FBXL17: variants seen among roughly 807,000 people sequenced by gnomAD.
FBXL17 encodes F-box and leucine rich repeat protein 17, also known as F-box/LRR-repeat protein 17.
A neutral mutation model predicts 66.2 loss-of-function variants in FBXL17; 22 were observed. The observed-to-expected ratio is 0.33, with a 90% CI of 0.24 to 0.47. FBXL17 has a LOEUF of 0.47. Ranked by LOEUF, FBXL17 falls within the 20% of genes least tolerant of loss-of-function variation. The pLI, the probability that FBXL17 is intolerant of heterozygous loss-of-function variation, is 1.00. For synonymous variants in FBXL17, 474 were observed against 400.5 expected (o/e 1.18, Z -2.19); for missense variants, 878 against 948.2 (o/e 0.93, Z 0.97).
intron 7 of FBXL17, among the ~76,000 whole-genome samples, chr5:107,896,225 G>T (rs1315924090): frequency 6.6e-6 from 1 of 152,056 alleles, no homozygotes; most frequent in Non-Finnish European, 1.5e-5. Context: ...GTTAAAGAGA[G>T]TCAATAACGT....
intron 7 of FBXL17, among the ~76,000 whole-genome samples, chr5:107,925,306 ACTTCT>A (rs1203690233): frequency 6.6e-6 from 1 of 152,166 alleles, no homozygotes; most frequent in Non-Finnish European, 1.5e-5. Flanking sequence ...GCACAGTTAT[ACTTCT>A]CTTACGATTC....
chr5:108,336,866 A>C (rs1486618574), intron 4 of FBXL17, among the ~76,000 whole-genome samples: 2 of 152,192 alleles, frequency 1.3e-5, no homozygotes, highest in African/African-American at 4.8e-5. Flanking sequence ...CCTAAAAGCT[A>C]TACTTTTATG....
At position 108,186,262 on chromosome 5, in the gene FBXL17, A is replaced by G; in HGVS notation, c.1615-15T>C. ...AGGTTTCTTAGCTAATGAGATAAAT[A>G]AAATGAAAGATGAAAAAGGTAAATG... On this transcript the variant is annotated splice_polypyrimidine_tract_variant and intron_variant, in intron 5 of 8. Coordinates refer to ENST00000542267, the MANE Select transcript of FBXL17 (RefSeq NM_001163315.3). 2 of 1,603,164 alleles carry G rather than the reference A, an allele frequency of 1.2e-6. No individual in the cohort carries two copies. Among genetic ancestry groups the G allele is most frequent in the South Asian group, 2.2e-5 (2 of 88,980 alleles).
chr5:108,158,446 TC>T (rs1359942234), intron 6 of FBXL17, among the ~76,000 whole-genome samples: 1 of 152,032 alleles, frequency 6.6e-6, no homozygotes, highest in Admixed American at 6.6e-5. Context: ...TTTAAAGATA[TC>T]AAATTTCCAC....
intron 7 of FBXL17, among the ~76,000 whole-genome samples, chr5:107,899,762 G>A (rs1399951070): frequency 6.6e-6 from 1 of 152,134 alleles, no homozygotes; most frequent in Non-Finnish European, 1.5e-5. Flanking sequence ...TTATCAACTG[G>A]AGAACTGTAT....
chr5:107,973,889 TTAGACAAAATCTTATTTAGTGATAAAGAG>T (rs553993901), intron 7 of FBXL17, among the ~76,000 whole-genome samples: 146 of 152,114 alleles, frequency 9.6e-4, no homozygotes, highest in African/African-American at 3.5e-3. Context: ...TAGGCTCTAG[TTAGACAAAATCTTATTTAGTGATAAAGAG>T]TAGCAACTTA....
chr5:108,112,079 A>T (rs1241595334), intron 6 of FBXL17, among the ~76,000 whole-genome samples: 1 of 152,150 alleles, frequency 6.6e-6, no homozygotes, highest in African/African-American at 2.4e-5. Context: ...GGCTTAGGAG[A>T]CAGAGTTTAG....
chr5:108,258,897 A>G lies in FBXL17; in HGVS notation c.1507-34669T>C, dbSNP rs551634738. On this transcript the variant is annotated intron_variant, in intron 4 of 8. Transcript: ENST00000542267. ...AATTAGATCTGAGAAACCAATAGAA[A>G]AACTAAACATAATAAACATAATAGA... 2.6e-5 allele frequency among the ~76,000 whole-genome samples: 4 copies of G among 152,278 alleles called. No individual in the cohort carries two copies. The South Asian group carries it at 8.3e-4, about 32-fold the overall frequency.
At chr5:107,954,599 G>T (rs1751600695) in intron 7 of FBXL17, among the ~76,000 whole-genome samples, 1 of 152,162 alleles carries the variant, frequency 6.6e-6, no homozygotes, top group Non-Finnish European at 1.5e-5. Flanking sequence ...CCAAAGTAGA[G>T]AATTCTTTTT....
intron 4 of FBXL17, among the ~76,000 whole-genome samples, chr5:108,333,412 A>G (rs1760228535): frequency 6.6e-6 from 1 of 152,114 alleles, no homozygotes; most frequent in African/African-American, 2.4e-5. Context: ...TTAAAATGCT[A>G]AAGTGCTAAG....
intron 7 of FBXL17, among the ~76,000 whole-genome samples, chr5:108,002,575 T>C (rs952045170): frequency 6.6e-6 from 1 of 152,014 alleles, no homozygotes; most frequent in Admixed American, 6.6e-5. Context: ...AAGACCTGAA[T>C]GAGAAAGGTC....
intron 4 of FBXL17, among the ~76,000 whole-genome samples, chr5:108,340,416 T>C (rs1746805281): frequency 6.6e-6 from 1 of 151,634 alleles, no homozygotes; most frequent in South Asian, 2.1e-4. Flanking sequence ...AAACTCGTTT[T>C]AAATTAAATT....
rs116651100 is a variant in FBXL17 at position 108,035,871 on chromosome 5, T to C, written c.1746-14870A>G. 4.4e-3 allele frequency among the ~76,000 whole-genome samples: 674 copies of C among 152,284 alleles called. 5 individuals are homozygous for C. The highest frequency in any genetic ancestry group is 0.016 in the African/African-American group (650 of 41,568). On this transcript the variant is annotated intron_variant, in intron 6 of 8. Transcript: ENST00000542267. ...CCAGATTAAAGGTGTGGAGAGGCCATGAAGACCTGGGAAAAAAATATGGTT... is the reference window on the plus strand; with the variant it reads ...CCAGATTAAAGGTGTGGAGAGGCCACGAAGACCTGGGAAAAAAATATGGTT...
intron 6 of FBXL17, among the ~76,000 whole-genome samples, chr5:108,180,348 T>C (rs1235439698): frequency 6.6e-6 from 1 of 151,878 alleles, no homozygotes; most frequent in Non-Finnish European, 1.5e-5. Flanking sequence ...CCGTCTCTAC[T>C]AAAAACACAA....
At chr5:108,042,753 C>G (rs1049366423) in intron 6 of FBXL17, among the ~76,000 whole-genome samples, 1 of 152,146 alleles carries the variant, frequency 6.6e-6, no homozygotes, top group African/African-American at 2.4e-5. Flanking sequence ...TTCCCGAAGA[C>G]AAATGACCAG....
chr5:108,153,707 G>A (rs1479111175), intron 6 of FBXL17, among the ~76,000 whole-genome samples: 2 of 151,978 alleles, frequency 1.3e-5, no homozygotes, highest in African/African-American at 4.8e-5. Flanking sequence ...GGGCCAGCTT[G>A]CCTTCTTGAA....
intron 1 of FBXL17, among the ~76,000 whole-genome samples, chr5:108,371,011 C>G (rs1467863760): frequency 6.6e-6 from 1 of 151,784 alleles, no homozygotes; most frequent in Admixed American, 6.6e-5. Context: ...TCAGGGTGGT[C>G]CCTGTACAGA....
intron 4 of FBXL17, chr5:108,299,043 T>C: frequency 1.0e-6 from 1 of 976,930 alleles, no homozygotes; most frequent in Non-Finnish European, 1.2e-6. Context: ...CATTTTAACA[T>C]GAGTACATAT....
intron 4 of FBXL17, among the ~76,000 whole-genome samples, chr5:108,256,130 G>A (rs1376416049): frequency 6.6e-6 from 1 of 152,136 alleles, no homozygotes; most frequent in East Asian, 1.9e-4. Flanking sequence ...TTCCATTTCG[G>A]TTATTTGCAT....
Sources: gnomAD v4.1 joint callset for allele counts (sites outside exome capture counted in the v4.1 genomes callset) on GRCh38, gnomAD v4.1.1 for gene constraint, MANE v1.5 for transcripts, NCBI Gene and HGNC (gene_info 2026-07-23, HGNC 2026-07-21) for gene names.